The following ANKRD26 variants were observed in gnomAD, a reference collection of about 807,000 sequenced individuals.
ANKRD26 encodes the protein ankyrin repeat domain 26.
Under a neutral mutation model 208.7 loss-of-function variants are expected in ANKRD26, and 141 were observed. The observed-to-expected ratio is 0.68, with a 90% CI of 0.59 to 0.78. The LOEUF (loss-of-function observed/expected upper bound fraction) is 0.78. Among genes scored for constraint, ANKRD26 ranks in the 30% least tolerant of loss-of-function variants. The probability of loss-of-function intolerance (pLI) is 0.00; values close to 1 mark genes in which losing one functional copy is unlikely to be tolerated. For missense variants in ANKRD26, 1,889 were observed against 1,938.7 expected (o/e 0.97, Z 0.48); for synonymous variants, 636 against 660.4 (o/e 0.96, Z 0.57).
intron 9 of ANKRD26, among the ~76,000 whole-genome samples, chr10:27,074,415 T>TTGTG: frequency 6.6e-6 from 1 of 152,224 alleles, no homozygotes; most frequent in African/African-American, 2.4e-5. Flanking sequence ...GCATGGTGGC[T>TTGTG]CACGGCTGCA....
At chr10:26,990,404 G>A (rs1454741248), downstream of ANKRD26, among the ~76,000 whole-genome samples, 1 of 152,126 alleles carries the variant, frequency 6.6e-6, no homozygotes, top group Non-Finnish European at 1.5e-5. Flanking sequence ...AACAAGTTGG[G>A]GAGTGTATCA....
intron 23 of ANKRD26, among the ~76,000 whole-genome samples, chr10:27,036,509 T>C (rs1046038796): frequency 6.6e-6 from 1 of 152,128 alleles, no homozygotes; most frequent in African/African-American, 2.4e-5. Flanking sequence ...GTAGAGTTCC[T>C]CTTGGAAAAT....
At chr10:27,067,419 T>C (rs376989387) in intron 9 of ANKRD26, 133 bp from the exon 10 acceptor site, 2 of 1,074,584 alleles carry the variant, frequency 1.9e-6, no homozygotes, top group Non-Finnish European at 2.6e-6. Flanking sequence ...GATGGGGGCA[T>C]AGTTTTTTTT....
intron 16 of ANKRD26, 24 bp downstream of exon 16, chr10:27,053,296 G>C (rs116623880): frequency 3.8e-6 from 6 of 1,560,188 alleles, no homozygotes. Flanking sequence ...TATTAAACCA[G>C]AAATTTTTAA....
At chr10:26,951,153 A>G in the ANKRD26 span, among the ~76,000 whole-genome samples, 14 of 151,160 alleles carry the variant, frequency 9.3e-5, no homozygotes, top group Admixed American at 9.3e-4. Flanking sequence ...TGCTCTCTGT[A>G]TAAACTCAGT....
intron 4 of ANKRD26, among the ~76,000 whole-genome samples, chr10:27,089,572 G>T (rs2056229959): frequency 6.6e-6 from 1 of 152,194 alleles, no homozygotes; most frequent in South Asian, 2.1e-4. Context: ...TTGATGGATT[G>T]CTTGAGCCTA....
chr10:27,052,739 A>G lies in ANKRD26; in HGVS notation c.1635+581T>C, dbSNP rs1483040887. Among the ~76,000 whole-genome samples the G allele has an allele frequency of 2.0e-5, 3 of 152,116 alleles. No individual in the cohort carries two copies. The East Asian group carries it at 5.8e-4, about 29-fold the overall frequency. ...GAAAGTTATTGTGTATATCCTAACA[A>G]TGGAAAGATCCCATTCTGAAAGGAA... On this transcript the variant is annotated intron_variant, in intron 16 of 33. Transcript: ENST00000376087.
At chr10:27,050,578 T>C (rs115865766) in intron 16 of ANKRD26, among the ~76,000 whole-genome samples, 5,791 of 152,264 alleles carry the variant, frequency 0.038, 118 homozygotes, top group African/African-American at 0.045. Context: ...CGAAAGCACA[T>C]TAAAAAGATC....
At chr10:27,093,972 C>T (rs1204194516) in intron 1 of ANKRD26, among the ~76,000 whole-genome samples, 173 bp from the exon 2 acceptor site, 2 of 152,132 alleles carry the variant, frequency 1.3e-5, no homozygotes, top group African/African-American at 4.8e-5. Flanking sequence ...TCCCATGATC[C>T]CTACGTGTGG....
downstream of ANKRD26, among the ~76,000 whole-genome samples, chr10:26,972,716 G>A (rs1000917382): frequency 6.7e-6 from 1 of 149,858 alleles, no homozygotes; most frequent in Non-Finnish European, 1.5e-5. Flanking sequence ...TCAGCCTCCC[G>A]AGCAGCTGGG....
intron 1 of ANKRD26, among the ~76,000 whole-genome samples, chr10:27,099,283 G>A (rs752741038): frequency 1.7e-4 from 26 of 151,916 alleles, no homozygotes; most frequent in South Asian, 8.3e-4. Flanking sequence ...GAGCCACCAC[G>A]CCTGGCCTCT....
chr10:27,032,227 G>A (rs979812832), intron 25 of ANKRD26, among the ~76,000 whole-genome samples: 10 of 152,170 alleles, frequency 6.6e-5, no homozygotes, highest in South Asian at 2.1e-4. Context: ...AGATGGGTGC[G>A]GTGGCTCACA....
At chr10:26,985,647 T>C (rs1054142123) in intron 3 of ANKRD26, among the ~76,000 whole-genome samples, 1 of 152,224 alleles carries the variant, frequency 6.6e-6, no homozygotes, top group Non-Finnish European at 1.5e-5. Context: ...GGAATTTTTA[T>C]AATTGTCAAA....
the ANKRD26 span, among the ~76,000 whole-genome samples, chr10:26,953,985 C>T: frequency 3.3e-5 from 5 of 152,216 alleles, no homozygotes; most frequent in Non-Finnish European, 7.3e-5. Context: ...ATCATATAAT[C>T]TAGTTAATTC....
At chr10:26,961,978 C>T in the ANKRD26 span, among the ~76,000 whole-genome samples, 62 of 152,274 alleles carry the variant, frequency 4.1e-4, no homozygotes, top group African/African-American at 1.3e-3. Context: ...GGAAGGAAAA[C>T]ACATTCTGAG....
intron 20 of ANKRD26, among the ~76,000 whole-genome samples, chr10:27,040,730 A>G (rs11015470): frequency 0.11 from 16,164 of 152,176 alleles, 906 homozygotes; most frequent in African/African-American, 0.15. Flanking sequence ...TCCCTGACAG[A>G]CAAGAAACAA....
At chr10:27,000,956 C>G (rs148242152), downstream of ANKRD26, among the ~76,000 whole-genome samples, 1,089 of 152,270 alleles carry the variant, frequency 7.2e-3, 10 homozygotes, top group African/African-American at 0.025. Flanking sequence ...TGCAGTGAGC[C>G]AAGATCACGC....
intron 12 of ANKRD26, chr10:27,062,017 T>C (rs2055075803): frequency 1.0e-6 from 1 of 985,320 alleles, no homozygotes; most frequent in Non-Finnish European, 1.2e-6. Flanking sequence ...TGAATCCATC[T>C]GAAATGAGTT....
intron 6 of ANKRD26, among the ~76,000 whole-genome samples, chr10:27,082,049 TAA>T (rs994610726): frequency 1.3e-4 from 9 of 67,628 alleles, no homozygotes; most frequent in African/African-American, 2.3e-4. Flanking sequence ...TGCAGTTATT[TAA>T]AAAAAAAAAA....
Sources: gnomAD v4.1 joint callset for allele counts (sites outside exome capture counted in the v4.1 genomes callset) on GRCh38, gnomAD v4.1.1 for gene constraint, MANE v1.5 for transcripts, NCBI Gene and HGNC (gene_info 2026-07-23, HGNC 2026-07-21) for gene names.